Variants in DLGAP2 observed in about 807,000 individuals in gnomAD.
The protein encoded by DLGAP2 is disks large-associated protein 2.
A neutral mutation model predicts 100.3 loss-of-function variants in DLGAP2; 26 were observed. The observed-to-expected ratio is 0.26, with a 90% CI of 0.19 to 0.36. DLGAP2 has a LOEUF of 0.36. Among genes scored for constraint, DLGAP2 ranks in the 10% least tolerant of loss-of-function variants. The probability of loss-of-function intolerance (pLI) is 1.00; values close to 1 mark genes in which losing one functional copy is unlikely to be tolerated. For synonymous variants in DLGAP2, 886 were observed against 630.1 expected (o/e 1.41, Z -6.08); for missense variants, 1,858 against 1,453.2 (o/e 1.28, Z -4.53).
intron 1 of DLGAP2, among the ~76,000 whole-genome samples, chr8:886,950 C>G (rs896510270): frequency 2.0e-5 from 3 of 152,186 alleles, no homozygotes; most frequent in Non-Finnish European, 4.4e-5. Flanking sequence ...GTTGATCTGT[C>G]TAACACTGAC....
At chr8:1,227,527 T>C (rs930858247) in intron 2 of DLGAP2, among the ~76,000 whole-genome samples, 10 of 151,580 alleles carry the variant, frequency 6.6e-5, no homozygotes, top group Non-Finnish European at 1.5e-4. Flanking sequence ...GGAGTTCTGC[T>C]CTGTCGCCCA....
intron 4 of DLGAP2, among the ~76,000 whole-genome samples, chr8:1,541,530 G>A (rs974563839): frequency 4.6e-5 from 7 of 152,058 alleles, no homozygotes; most frequent in Admixed American, 1.3e-4. Flanking sequence ...GTATAGCCTC[G>A]GTTTAAAGCC....
At chr8:1,467,069 G>A (rs918022086) in intron 3 of DLGAP2, among the ~76,000 whole-genome samples, 4 of 142,286 alleles carry the variant, frequency 2.8e-5, no homozygotes, top group African/African-American at 9.3e-5. Context: ...ACGGATGCCC[G>A]GCCCCGGGAC....
chr8:997,445 G>C (rs4601343), intron 2 of DLGAP2, among the ~76,000 whole-genome samples: 1 of 151,904 alleles, frequency 6.6e-6, no homozygotes, highest in Non-Finnish European at 1.5e-5. Context: ...GAAAACTACA[G>C]AGAAGACAAC....
chr8:1,553,161 C>T (rs1563217376), intron 5 of DLGAP2, among the ~76,000 whole-genome samples: 1 of 152,286 alleles, frequency 6.6e-6, no homozygotes, highest in East Asian at 1.9e-4. Flanking sequence ...GACCCGGCAG[C>T]CCCTCCAGCC....
At chr8:1,481,393 C>T (rs371863399) in intron 3 of DLGAP2, among the ~76,000 whole-genome samples, 2 of 151,362 alleles carry the variant, frequency 1.3e-5, no homozygotes, top group African/African-American at 2.4e-5. Context: ...AATGGCAAAG[C>T]CTTTTCCAGA....
intron 13 of DLGAP2, among the ~76,000 whole-genome samples, chr8:1,696,690 C>A (rs1799406273): frequency 6.6e-6 from 1 of 152,178 alleles, no homozygotes; most frequent in Non-Finnish European, 1.5e-5. Context: ...TGTAAGGTGT[C>A]ATCACCGTAA....
chr8:1,257,235 A>T (rs942280705), intron 2 of DLGAP2, among the ~76,000 whole-genome samples: 2 of 152,050 alleles, frequency 1.3e-5, no homozygotes, highest in African/African-American at 4.8e-5. Context: ...CCTGCCACAC[A>T]CACGGCTCCC....
chr8:847,197 C>G (rs1173839342), intron 1 of DLGAP2, among the ~76,000 whole-genome samples: 2 of 152,166 alleles, frequency 1.3e-5, no homozygotes, highest in Non-Finnish European at 2.9e-5. Context: ...TGCTTCTTGA[C>G]ACAATTCAGG....
intron 3 of DLGAP2, among the ~76,000 whole-genome samples, chr8:1,388,972 T>G: frequency 8.9e-6 from 1 of 112,302 alleles, no homozygotes; most frequent in African/African-American, 3.7e-5. Flanking sequence ...AGGCCGTGGA[T>G]GAGGAGGCGC....
chr8:1,180,847 A>C (rs554253893), intron 2 of DLGAP2, among the ~76,000 whole-genome samples: 1 of 148,752 alleles, frequency 6.7e-6, no homozygotes, highest in African/African-American at 2.5e-5. Context: ...GTGCAAGGGC[A>C]GTACACTTAC....
intron 2 of DLGAP2, among the ~76,000 whole-genome samples, chr8:974,518 A>ATT (rs1399806534): frequency 6.6e-6 from 1 of 152,240 alleles, no homozygotes; most frequent in African/African-American, 2.4e-5. Context: ...CACCTTAAAA[A>ATT]TTTAAAAGAC....
chr8:1,548,528 C>A, intron 4 of DLGAP2, 98 bp from the exon 5 acceptor site: 1 of 1,002,356 alleles, frequency 1.0e-6, no homozygotes, highest in Non-Finnish European at 1.4e-6. Flanking sequence ...GACATGGACA[C>A]TGATTAATGA....
intron 5 of DLGAP2, 103 bp from the exon 6 acceptor site, chr8:1,565,580 G>T: frequency 1.2e-6 from 1 of 822,578 alleles, no homozygotes; most frequent in Non-Finnish European, 1.9e-6. Flanking sequence ...CTGTAAAGAG[G>T]TGTATCTTTA....
At chr8:1,517,382 C>T (rs1003658195) in intron 4 of DLGAP2, among the ~76,000 whole-genome samples, 4 of 151,612 alleles carry the variant, frequency 2.6e-5, no homozygotes, top group African/African-American at 7.3e-5. Flanking sequence ...AGGGAGGGGC[C>T]GTGGTGAGGG....
intron 3 of DLGAP2, among the ~76,000 whole-genome samples, chr8:1,494,315 C>T (rs1393446884): frequency 1.3e-5 from 2 of 152,276 alleles, no homozygotes; most frequent in African/African-American, 4.8e-5. Flanking sequence ...TTGGAGACAA[C>T]TTCCCCCTGA....
chr8:848,856 GC>G (rs1797120854), intron 1 of DLGAP2, among the ~76,000 whole-genome samples: 3 of 150,826 alleles, frequency 2.0e-5, no homozygotes, highest in Admixed American at 2.0e-4. Context: ...GTGTGTTCCA[GC>G]ATAGGATCGC....
intron 1 of DLGAP2, among the ~76,000 whole-genome samples, chr8:863,113 G>A (rs1451787633): frequency 6.6e-6 from 1 of 152,158 alleles, no homozygotes; most frequent in Non-Finnish European, 1.5e-5. Context: ...AATCCTGTGA[G>A]GTTTCTTTGG....
At chr8:1,254,945 G>GCGTGCTGTGTCTGTGCTCTCTCCTGCCCA (rs1799142891) in intron 2 of DLGAP2, among the ~76,000 whole-genome samples, 1 of 134,194 alleles carries the variant, frequency 7.5e-6, no homozygotes, top group African/African-American at 2.7e-5. Context: ...TCTCCTGCCC[G>GCGTGCTGTGTCTGTGCTCTCTCCTGCCCA]GGTGCTGTGT....
Sources: gnomAD v4.1 joint callset for allele counts (sites outside exome capture counted in the v4.1 genomes callset) on GRCh38, gnomAD v4.1.1 for gene constraint, MANE v1.5 for transcripts, NCBI Gene and HGNC (gene_info 2026-07-23, HGNC 2026-07-21) for gene names.